HDGFL3: variants seen among roughly 807,000 people sequenced by gnomAD.
The protein encoded by HDGFL3 is hepatoma-derived growth factor-related protein 3.
A neutral mutation model predicts 27.6 loss-of-function variants in HDGFL3; 6 were observed. That is an observed-to-expected ratio of 0.22 (90% CI 0.12 to 0.43). HDGFL3 has a LOEUF of 0.43. Ranked by LOEUF, HDGFL3 falls within the 20% of genes least tolerant of loss-of-function variation. The pLI, the probability that HDGFL3 is intolerant of heterozygous loss-of-function variation, is 1.00. For missense variants in HDGFL3, 207 were observed against 250.1 expected, an observed-to-expected ratio of 0.83 and a Z score of 1.16; for synonymous variants, 88 against 88.9, an observed-to-expected ratio of 0.99 and a Z score of 0.05.
Position 83,119,148 on chromosome 15 carries a change from GC to G in HDGFL3, c.394-3408del, listed in dbSNP as rs1453019616. ...TGTTGTGCCATGCCCAGCCCAGCAA[GC>G]CACGGGATCAGCATGAATTATTAAG... On this transcript the variant is annotated intron_variant, in intron 3 of 3. Coordinates refer to the HDGFL3 transcript ENST00000568294. Among the ~76,000 whole-genome samples, 12 of 152,324 alleles carry G rather than the reference GC, an allele frequency of 7.9e-5. No individual in the cohort carries two copies. The East Asian group carries it at 2.3e-3, about 29-fold the overall frequency.
At chr15:83,174,225 C>T (rs1425677226) in intron 1 of HDGFL3, among the ~76,000 whole-genome samples, 1 of 152,070 alleles carries the variant, frequency 6.6e-6, no homozygotes, top group African/African-American at 2.4e-5. Flanking sequence ...TGTTTTTCTT[C>T]CTACTTTAAT....
chr15:83,195,109 A>C lies in HDGFL3; in HGVS notation c.84+12222T>G, dbSNP rs149534285. ...GCTGAAACCCAGTCTTTTTGTAATA[A>C]ATTGCCAATTAAAAATGTCTCCATG... On this transcript the variant is annotated intron_variant, in intron 1 of 5. Transcript: ENST00000299633. Among the ~76,000 whole-genome samples the C allele has an allele frequency of 2.7e-3, 407 of 152,296 alleles. 4 individuals carry two copies. Among genetic ancestry groups the C allele is most frequent in the African/African-American group, 9.3e-3 (387 of 41,558 alleles).
chr15:83,202,780 T>C lies in HDGFL3; in HGVS notation c.84+4551A>G, dbSNP rs140081476. 2.7e-3 allele frequency among the ~76,000 whole-genome samples: 405 copies of C among 152,242 alleles called. 4 individuals carry two copies. Among genetic ancestry groups the C allele is most frequent in the African/African-American group, 9.3e-3 (386 of 41,580 alleles). On this transcript the variant is annotated intron_variant, in intron 1 of 5. Coordinates refer to ENST00000299633, the MANE Select transcript of HDGFL3 (RefSeq NM_016073.4). The stretch of plus-strand genomic sequence containing the variant: ...GACAGGGAACATTTCCAGTGCCTTC[T>C]CCTATTCAATAACTCCTTTCTACCC...
chr15:83,127,929 T>C lies in HDGFL3; in HGVS notation c.*11341A>G, dbSNP rs558068296. The C allele has an allele frequency of 5.1e-5, 8 of 157,816 alleles. No homozygotes were observed. The South Asian group carries it at 1.5e-3, about 29-fold the overall frequency. The allele number at this position is 157,816 out of a possible 1,614,324, so 9.8% of individuals were successfully genotyped here. A position where few individuals can be genotyped will look rare whatever the true frequency, so the allele number is the denominator to read the frequency against. ...TTTAAAAAATGTTCTGGGCCTGTCA[T>C]TTCATTCCTTTTCCGCTGGCACCTT... On this transcript the variant is annotated 3_prime_UTR_variant, in exon 6 of 6. Coordinates refer to ENST00000299633, the MANE Select transcript of HDGFL3 (RefSeq NM_016073.4).
At chr15:83,156,834 C>T (rs867384844) in intron 4 of HDGFL3, among the ~76,000 whole-genome samples, 2 of 152,120 alleles carry the variant, frequency 1.3e-5, no homozygotes, top group Non-Finnish European at 2.9e-5. Context: ...GCTGGGACTA[C>T]AGGCGCCCGC....
intron 1 of HDGFL3, among the ~76,000 whole-genome samples, chr15:83,202,366 AATATGATAAGCAGTG>A (rs1204316831): frequency 6.6e-6 from 1 of 152,148 alleles, no homozygotes. Flanking sequence ...CTAGATCAAA[AATATGATAAGCAGTG>A]ATTTAATATT....
At position 83,136,372 on chromosome 15, in the gene HDGFL3, TG is replaced by T; in HGVS notation, c.*2897del. ...AAGGTATTTTGCCTGCAGGTGAGAC[TG>T]GTTTTGAGGGCACAGAAACGTAGCC... On this transcript the variant is annotated 3_prime_UTR_variant, in exon 6 of 6. Coordinates refer to ENST00000299633, the MANE Select transcript of HDGFL3 (RefSeq NM_016073.4). 1 of 855,720 alleles carries T rather than the reference TG, an allele frequency of 1.2e-6. No individual in the cohort carries two copies. The highest frequency in any genetic ancestry group is 1.7e-6 in the Non-Finnish European group (1 of 581,980). The allele number at this position is 855,720 out of a possible 1,614,324, so 53.0% of individuals were successfully genotyped here.
Position 83,132,789 on chromosome 15 carries a change from T to G in HDGFL3, c.*6481A>C, listed in dbSNP as rs1231267181. ...AGAACACGGATAGTTGGGATACTAA[T>G]GCAAATCTTGTTTTCTTCATTTGCT... On this transcript the variant is annotated 3_prime_UTR_variant, in exon 6 of 6. Coordinates refer to ENST00000299633, the MANE Select transcript of HDGFL3 (RefSeq NM_016073.4). The G allele has an allele frequency of 6.6e-6, 1 of 152,218 alleles. No individual in the cohort carries two copies. Among genetic ancestry groups the G allele is most frequent in the Non-Finnish European group, 1.5e-5 (1 of 68,040 alleles). 9.4% of individuals were successfully genotyped at this position (152,218 alleles called of 1,614,324 possible). A position where few individuals can be genotyped will look rare whatever the true frequency, so the allele number is the denominator to read the frequency against.
chr15:83,165,360 G>A (rs973737867), intron 1 of HDGFL3, among the ~76,000 whole-genome samples: 7 of 152,136 alleles, frequency 4.6e-5, no homozygotes, highest in Admixed American at 1.3e-4. Flanking sequence ...CAGACACTCA[G>A]CATACAGAGT....
chr15:83,147,069 CTTTT>C (rs869185110), intron 5 of HDGFL3, among the ~76,000 whole-genome samples: 1 of 145,382 alleles, frequency 6.9e-6, no homozygotes, highest in South Asian at 2.2e-4. Context: ...TACCTTCTTT[CTTTT>C]TTTTTTTTGA....
intron 5 of HDGFL3, among the ~76,000 whole-genome samples, chr15:83,144,281 T>C (rs1479489376): frequency 6.6e-6 from 1 of 152,184 alleles, no homozygotes; most frequent in Non-Finnish European, 1.5e-5. Context: ...TATCAGTAGT[T>C]GGTTTAGGGA....
intron 5 of HDGFL3, among the ~76,000 whole-genome samples, chr15:83,142,049 G>A (rs767872341): frequency 6.6e-6 from 1 of 152,150 alleles, no homozygotes; most frequent in Admixed American, 6.6e-5. Flanking sequence ...CAGAGAAAAG[G>A]GAACGCTTAT....
intron 2 of HDGFL3, 169 bp downstream of exon 2, chr15:83,163,830 T>G (rs2037129688): frequency 1.7e-6 from 1 of 576,262 alleles, no homozygotes; most frequent in Admixed American, 3.3e-5. Flanking sequence ...TCATAAAGAC[T>G]TCTATCATGA....
downstream of HDGFL3, among the ~76,000 whole-genome samples, chr15:83,123,472 T>A (rs553961707): frequency 3.3e-5 from 5 of 152,378 alleles, no homozygotes; most frequent in South Asian, 1.0e-3. Context: ...CTGTTTCTTT[T>A]ACTTTTCTAG....
In HDGFL3 at chr15:83,178,222, C is replaced by G. The variant is rs560853448; in HGVS notation, c.85-14147G>C. Among the ~76,000 whole-genome samples the G allele has an allele frequency of 2.0e-3, 302 of 152,264 alleles. 1 individual carries two copies. Among genetic ancestry groups the G allele is most frequent in the African/African-American group, 7.0e-3 (290 of 41,554 alleles). ...TCATAAGATTAAAAAGGGAAAGTTT[C>G]TGAATCTACTAATGTCAAATATTTG... On this transcript the variant is annotated intron_variant, in intron 1 of 5. Coordinates refer to ENST00000299633, the MANE Select transcript of HDGFL3 (RefSeq NM_016073.4).
intron 2 of HDGFL3, 51 bp downstream of exon 2, chr15:83,163,948 T>C: frequency 8.9e-7 from 1 of 1,129,658 alleles, no homozygotes; most frequent in African/African-American, 1.5e-5. Context: ...CATAACAATG[T>C]AGCATAGCAG....
chr15:83,164,088 C>T lies in HDGFL3; in HGVS notation c.85-13G>A, dbSNP rs775716009. On this transcript the variant is annotated splice_polypyrimidine_tract_variant and intron_variant, in intron 1 of 5. Transcript: ENST00000299633. ...GGAGTTCATCAATCTATGAAAGATA[C>T]ATTTAGTTACTGAGTGAGTGGTTAT... 5.2e-6 allele frequency: 8 copies of T among 1,547,800 alleles called. No homozygotes were observed. The highest frequency in any genetic ancestry group is 4.7e-5 in the South Asian group (4 of 85,508).
At chr15:83,206,294 G>A (rs1230565254) in intron 1 of HDGFL3, among the ~76,000 whole-genome samples, 2 of 151,908 alleles carry the variant, frequency 1.3e-5, no homozygotes, top group Non-Finnish European at 2.9e-5. Context: ...CTATATTTAT[G>A]CCAATTTTCT....
chr15:83,173,026 T>C (rs988301809), intron 1 of HDGFL3, among the ~76,000 whole-genome samples: 1 of 152,138 alleles, frequency 6.6e-6, no homozygotes, highest in African/African-American at 2.4e-5. Context: ...CAATCCTGTG[T>C]TGTTCAAGAG....
Sources: allele counts gnomAD v4.1 joint callset (sites outside exome capture counted in the v4.1 genomes callset), GRCh38; gene constraint gnomAD v4.1.1; transcripts MANE v1.5; gene names NCBI Gene and HGNC (gene_info 2026-07-23, HGNC 2026-07-21).